NRG1: variants seen among roughly 807,000 people sequenced by gnomAD.
NRG1 encodes pro-neuregulin-1, membrane-bound isoform.
Under a neutral mutation model 63.8 loss-of-function variants are expected in NRG1, and 18 were observed. That is an observed-to-expected ratio of 0.28 (90% CI 0.19 to 0.42). The LOEUF is 0.42. Among genes scored for constraint, NRG1 ranks in the 10% least tolerant of loss-of-function variants. The pLI, the probability that NRG1 is intolerant of heterozygous loss-of-function variation, is 1.00. For missense variants in NRG1, 762 were observed against 814.7 expected, an observed-to-expected ratio of 0.94 and a Z score of 0.79; for synonymous variants, 302 against 301.3, an observed-to-expected ratio of 1.00 and a Z score of -0.02.
intron 1 of NRG1, among the ~76,000 whole-genome samples, chr8:32,585,860 A>G (rs911200605): frequency 6.6e-6 from 1 of 152,192 alleles, no homozygotes; most frequent in Non-Finnish European, 1.5e-5. Context: ...AGATCATTAA[A>G]TAAAATCTTT....
intron 1 of NRG1, among the ~76,000 whole-genome samples, chr8:32,181,937 A>C (rs995109361): frequency 6.6e-6 from 1 of 152,244 alleles, no homozygotes; most frequent in African/African-American, 2.4e-5. Flanking sequence ...CAGTAAAAAA[A>C]ATTGTGCTTA....
intron 1 of NRG1, among the ~76,000 whole-genome samples, chr8:32,254,139 A>G (rs1351451595): frequency 6.6e-6 from 1 of 152,116 alleles, no homozygotes; most frequent in South Asian, 2.1e-4. Flanking sequence ...TCAAAAAACC[A>G]GCTCTTGGAT....
chr8:31,647,167 G>A (rs568649144), intron 1 of NRG1, among the ~76,000 whole-genome samples: 1 of 152,270 alleles, frequency 6.6e-6, no homozygotes, highest in Admixed American at 6.5e-5. Flanking sequence ...CTCTTCACAG[G>A]TGTTTAACCA....
At chr8:32,058,860 TCC>T (rs1190236445) in intron 1 of NRG1, among the ~76,000 whole-genome samples, 1 of 152,070 alleles carries the variant, frequency 6.6e-6, no homozygotes, top group Admixed American at 6.6e-5. Flanking sequence ...CCATACGCTT[TCC>T]CCAACTTCTT....
intron 1 of NRG1, among the ~76,000 whole-genome samples, chr8:32,392,469 T>G (rs190422181): frequency 2.7e-4 from 41 of 152,342 alleles, no homozygotes; most frequent in African/African-American, 9.4e-4. Flanking sequence ...GTTCCTCCCT[T>G]TTTTCGCATC....
intron 1 of NRG1, among the ~76,000 whole-genome samples, chr8:31,844,176 G>A (rs1001100967): frequency 2.0e-5 from 3 of 152,198 alleles, no homozygotes; most frequent in Non-Finnish European, 4.4e-5. Flanking sequence ...GCACTTCTCT[G>A]CTGTCTGCAG....
rs1419015228 is a variant in NRG1, at chr8:32,233,555, ATATATATAT to A, written c.38-362271_38-362263del. ...CGAAAGAATATATATATATATATAT[ATATATATAT>A]TTTTTTTTTTTTTTCTTTTGAAACG... On this transcript the variant is annotated intron_variant, in intron 1 of 10. Transcript: ENST00000519301. Among the ~76,000 whole-genome samples, 152 of 71,692 alleles carry A rather than the reference ATATATATAT, an allele frequency of 2.1e-3. 1 individual carries two copies. Among genetic ancestry groups the A allele is most frequent in the African/African-American group, 5.4e-3 (96 of 17,868 alleles). 47.0% of individuals were successfully genotyped at this position (71,692 alleles called of 152,430 possible). A position where few individuals can be genotyped will look rare whatever the true frequency, so the allele number is the denominator to read the frequency against.
At chr8:31,996,659 T>C (rs1812016028) in intron 1 of NRG1, among the ~76,000 whole-genome samples, 1 of 151,902 alleles carries the variant, frequency 6.6e-6, no homozygotes, top group African/African-American at 2.4e-5. Flanking sequence ...GCAAGAAAAT[T>C]GCTTGAGCTG....
chr8:32,616,366 T>C (rs548562105), intron 4 of NRG1, among the ~76,000 whole-genome samples: 6 of 152,302 alleles, frequency 3.9e-5, no homozygotes, highest in Non-Finnish European at 7.4e-5. Context: ...CGGATGTTTA[T>C]GCAGATCCAA....
At chr8:32,459,815 G>C (rs1210865192) in intron 1 of NRG1, among the ~76,000 whole-genome samples, 1 of 152,172 alleles carries the variant, frequency 6.6e-6, no homozygotes, top group African/African-American at 2.4e-5. Flanking sequence ...ACAGGCCTTA[G>C]GGCCTTTGCA....
chr8:32,758,351 C>A (rs530461673), intron 9 of NRG1, among the ~76,000 whole-genome samples: 1 of 151,986 alleles, frequency 6.6e-6, no homozygotes, highest in Non-Finnish European at 1.5e-5. Flanking sequence ...CAGAGGTGGA[C>A]GGATCACCTG....
Position 31,781,077 on chromosome 8 carries a change from CT to C in NRG1, c.37+141655del, listed in dbSNP as rs555382394. 6.0e-5 allele frequency among the ~76,000 whole-genome samples: 9 copies of C among 151,036 alleles called. No individual in the cohort carries two copies. The South Asian group carries it at 8.4e-4, about 14-fold the overall frequency. ...ATTTATTATCCTTATTTTTATTTGG[CT>C]TTTTTTTTGACTTGCAAATTCCTTT... On this transcript the variant is annotated intron_variant, in intron 1 of 10. Coordinates refer to the NRG1 transcript ENST00000519301.
At chr8:31,865,029 CA>C (rs1253849636) in intron 1 of NRG1, among the ~76,000 whole-genome samples, 3 of 152,132 alleles carry the variant, frequency 2.0e-5, no homozygotes, top group Non-Finnish European at 4.4e-5. Context: ...TAGATTTTCC[CA>C]TTTCTCAGGT....
intron 1 of NRG1, among the ~76,000 whole-genome samples, chr8:31,824,740 AC>A (rs1285466294): frequency 1.3e-5 from 2 of 152,236 alleles, no homozygotes; most frequent in Non-Finnish European, 2.9e-5. Context: ...GTAATAAGAA[AC>A]AAAGCGTACC....
At chr8:31,707,152 T>C (rs1028954333) in intron 1 of NRG1, among the ~76,000 whole-genome samples, 25 of 152,126 alleles carry the variant, frequency 1.6e-4, no homozygotes, top group Non-Finnish European at 2.4e-4. Context: ...TGGGATTTTT[T>C]GTACTTTTGT....
chr8:32,480,186 TG>T (rs1270874160), intron 1 of NRG1, among the ~76,000 whole-genome samples: 1 of 151,908 alleles, frequency 6.6e-6, no homozygotes, highest in East Asian at 1.9e-4. Flanking sequence ...GCCTACGAGG[TG>T]ACAAAGTAAA....
At chr8:32,236,901 T>C (rs941395334) in intron 1 of NRG1, among the ~76,000 whole-genome samples, 2 of 152,152 alleles carry the variant, frequency 1.3e-5, no homozygotes, top group Admixed American at 1.3e-4. Flanking sequence ...AACTGCTGTT[T>C]TTCATGTACA....
rs140214320 is a variant in NRG1 at position 32,435,978 on chromosome 8, T to G, written c.38-159850T>G. On this transcript the variant is annotated intron_variant, in intron 1 of 10. Coordinates refer to the NRG1 transcript ENST00000519301. Reference sequence around the variant, plus strand: ...TATTCATCTACCATTTTCCATTCTTTGAAATCTGAAATAAGTCCTAACCTT... The same window carrying G: ...TATTCATCTACCATTTTCCATTCTTGGAAATCTGAAATAAGTCCTAACCTT... 2.1e-3 allele frequency among the ~76,000 whole-genome samples: 318 copies of G among 152,290 alleles called. 2 individuals carry two copies. Among genetic ancestry groups the G allele is most frequent in the African/African-American group, 7.3e-3 (302 of 41,560 alleles).
intron 1 of NRG1, among the ~76,000 whole-genome samples, chr8:32,512,926 A>G (rs1829383352): frequency 6.6e-6 from 1 of 152,170 alleles, no homozygotes; most frequent in African/African-American, 2.4e-5. Context: ...TGCAGTAGCT[A>G]TTTCAGGTAG....
Sources: gnomAD v4.1 joint callset for allele counts (sites outside exome capture counted in the v4.1 genomes callset) on GRCh38, gnomAD v4.1.1 for gene constraint, MANE v1.5 for transcripts, NCBI Gene and HGNC (gene_info 2026-07-23, HGNC 2026-07-21) for gene names.